Variants in MACROD2 observed in about 807,000 individuals in gnomAD.
MACROD2 encodes the protein ADP-ribose glycohydrolase MACROD2.
In MACROD2, 36 loss-of-function variants were observed where a neutral mutation model predicts 70.4. The ratio of observed to expected loss-of-function variants is 0.51; its 90% CI spans 0.39 to 0.68. The LOEUF is 0.68. Ranked by LOEUF, MACROD2 falls within the 30% of genes least tolerant of loss-of-function variation. MACROD2 has a pLI of 0.00. For missense variants in MACROD2, 496 were observed against 538.4 expected (o/e 0.92, Z 0.78); for synonymous variants, 172 against 178.8 (o/e 0.96, Z 0.30).
intron 3 of MACROD2, among the ~76,000 whole-genome samples, chr20:14,427,679 T>C (rs2083949255): frequency 6.6e-6 from 1 of 152,128 alleles, no homozygotes; most frequent in Non-Finnish European, 1.5e-5. Flanking sequence ...ACTTGCTGTA[T>C]AATGAATGAT....
Position 15,334,758 on chromosome 20 carries a change from A to G in MACROD2, c.541-96647A>G, listed in dbSNP as rs188271718. 7.1e-4 allele frequency among the ~76,000 whole-genome samples: 108 copies of G among 151,720 alleles called. 3 individuals are homozygous for G. Among genetic ancestry groups the G allele is most frequent in the African/African-American group, 2.5e-3 (102 of 41,088 alleles). Reference sequence around the variant, plus strand: ...ATTATTGCAATGTATATTATGTTCAATTTGTTAAATTTACACAGCTAGTAA... The same window carrying G: ...ATTATTGCAATGTATATTATGTTCAGTTTGTTAAATTTACACAGCTAGTAA... On this transcript the variant is annotated intron_variant, in intron 6 of 17. Coordinates refer to ENST00000684519, the MANE Select transcript of MACROD2 (RefSeq NM_001351661.2).
chr20:15,401,043 T>C (rs972694710), intron 6 of MACROD2, among the ~76,000 whole-genome samples: 21 of 117,932 alleles, frequency 1.8e-4, no homozygotes, highest in African/African-American at 1.1e-3. Flanking sequence ...CAGCTTGTTC[T>C]TTTTTTTTTT....
At chr20:15,551,748 G>A (rs1198917792) in intron 8 of MACROD2, among the ~76,000 whole-genome samples, 1 of 151,630 alleles carries the variant, frequency 6.6e-6, no homozygotes, top group Non-Finnish European at 1.5e-5. Flanking sequence ...TGGGCCTGTG[G>A]TCCCAGCTGC....
At chr20:14,775,546 T>A (rs1169256758) in intron 5 of MACROD2, among the ~76,000 whole-genome samples, 1 of 151,994 alleles carries the variant, frequency 6.6e-6, no homozygotes, top group Non-Finnish European at 1.5e-5. Flanking sequence ...CACTCATTAC[T>A]GAGGGGAGGA....
chr20:14,106,563 C>G (rs1475058116), intron 3 of MACROD2, among the ~76,000 whole-genome samples: 2 of 152,114 alleles, frequency 1.3e-5, no homozygotes, highest in Non-Finnish European at 2.9e-5. Context: ...TTGTAGAGTA[C>G]TAGGGCCTTG....
chr20:14,748,245 G>C (rs902436158), intron 5 of MACROD2, among the ~76,000 whole-genome samples: 3 of 152,064 alleles, frequency 2.0e-5, no homozygotes, highest in Non-Finnish European at 4.4e-5. Flanking sequence ...GCCAGACCCT[G>C]AGATAGAAGC....
At chr20:14,400,122 A>G (rs1480450741) in intron 3 of MACROD2, among the ~76,000 whole-genome samples, 1 of 152,100 alleles carries the variant, frequency 6.6e-6, no homozygotes, top group Non-Finnish European at 1.5e-5. Context: ...ACTGGATGAG[A>G]GACATTGTGA....
At chr20:15,820,512 C>G (rs2063928304) in intron 8 of MACROD2, among the ~76,000 whole-genome samples, 1 of 152,082 alleles carries the variant, frequency 6.6e-6, no homozygotes, top group South Asian at 2.1e-4. Flanking sequence ...GTTTTTAGTA[C>G]AGTAGTTTGA....
intron 3 of MACROD2, among the ~76,000 whole-genome samples, chr20:14,186,759 G>A (rs987807656): frequency 3.3e-5 from 5 of 152,156 alleles, no homozygotes; most frequent in Non-Finnish European, 7.3e-5. Flanking sequence ...GGAATGCTAC[G>A]CAGCTATAGA....
chr20:15,194,858 G>A (rs574047573), intron 5 of MACROD2, among the ~76,000 whole-genome samples: 4 of 152,130 alleles, frequency 2.6e-5, no homozygotes, highest in Admixed American at 6.5e-5. Flanking sequence ...TTCCAGCCTC[G>A]TGGTTCCTAA....
chr20:15,443,405 C>T (rs182065693), intron 7 of MACROD2, among the ~76,000 whole-genome samples: 1 of 152,238 alleles, frequency 6.6e-6, no homozygotes, highest in East Asian at 1.9e-4. Flanking sequence ...GATAATAGTT[C>T]ATACCTGTTT....
At chr20:14,542,421 A>G (rs2085445238) in intron 4 of MACROD2, among the ~76,000 whole-genome samples, 1 of 152,236 alleles carries the variant, frequency 6.6e-6, no homozygotes, top group Admixed American at 6.5e-5. Context: ...GGGAGCTTAT[A>G]CTAAGTTTTT....
chr20:14,440,963 C>A (rs1159636108), intron 3 of MACROD2, among the ~76,000 whole-genome samples: 1 of 152,106 alleles, frequency 6.6e-6, no homozygotes, highest in Admixed American at 6.5e-5. Context: ...TAGGACTCAC[C>A]CCCTTTGCTA....
chr20:15,305,672 T>TGC (rs1555802939), intron 6 of MACROD2, among the ~76,000 whole-genome samples: 8 of 151,892 alleles, frequency 5.3e-5, no homozygotes, highest in South Asian at 2.1e-4. Context: ...TGTGTGTGTG[T>TGC]GCGCGCACAC....
intron 5 of MACROD2, among the ~76,000 whole-genome samples, chr20:14,934,127 G>T (rs1045091139): frequency 1.3e-5 from 2 of 152,144 alleles, no homozygotes; most frequent in Non-Finnish European, 2.9e-5. Context: ...CTTGCAGCAC[G>T]TCAAAGAGTT....
intron 8 of MACROD2, among the ~76,000 whole-genome samples, chr20:15,718,018 C>CTT (rs11087142): frequency 3.6e-4 from 51 of 140,414 alleles, no homozygotes; most frequent in African/African-American, 9.8e-4. Flanking sequence ...TGTTTTCTCT[C>CTT]TTTTTTTTTT....
At chr20:14,973,988 G>T (rs1189802909) in intron 5 of MACROD2, among the ~76,000 whole-genome samples, 2 of 152,218 alleles carry the variant, frequency 1.3e-5, no homozygotes, top group Non-Finnish European at 2.9e-5. Context: ...TGCCTGGGAT[G>T]AAAGTATTGG....
chr20:14,007,921 GGAT>G (rs2052845071), intron 2 of MACROD2, among the ~76,000 whole-genome samples: 1 of 152,056 alleles, frequency 6.6e-6, no homozygotes, highest in African/African-American at 2.4e-5. Flanking sequence ...ATAATAATGA[GGAT>G]GAGTTAGGTG....
At chr20:14,878,769 A>C (rs1046129351) in intron 5 of MACROD2, among the ~76,000 whole-genome samples, 6 of 152,076 alleles carry the variant, frequency 3.9e-5, no homozygotes, top group Non-Finnish European at 5.9e-5. Flanking sequence ...TTAGTTTTCA[A>C]GGTTCTCCAT....
Sources: allele counts gnomAD v4.1 joint callset (sites outside exome capture counted in the v4.1 genomes callset), GRCh38; gene constraint gnomAD v4.1.1; transcripts MANE v1.5; gene names NCBI Gene and HGNC (gene_info 2026-07-23, HGNC 2026-07-21).